Variants in TTC39C observed in about 807,000 individuals in gnomAD.
TTC39C encodes tetratricopeptide repeat protein 39C.
TTC39C carries 33 observed loss-of-function variants against 76.3 expected under a neutral mutation model. The observed-to-expected ratio is 0.43, with a 90% CI of 0.33 to 0.58. The LOEUF is 0.58. Ranked by LOEUF, TTC39C falls within the 20% of genes least tolerant of loss-of-function variation. The pLI is 0.04. For missense variants in TTC39C, 595 were observed against 701.4 expected (o/e 0.85, Z 1.71); for synonymous variants, 254 against 260.6 (o/e 0.97, Z 0.24).
chr18:24,045,285 C>T (rs368576939), intron 1 of TTC39C, among the ~76,000 whole-genome samples: 2 of 28,870 alleles, frequency 6.9e-5, no homozygotes, highest in South Asian at 9.9e-4. Flanking sequence ...AAAAAAAAAG[C>T]ATGTAGCGTG....
At chr18:24,032,377 T>C (rs945355828) in intron 1 of TTC39C, among the ~76,000 whole-genome samples, 2 of 152,208 alleles carry the variant, frequency 1.3e-5, no homozygotes, top group Non-Finnish European at 2.9e-5. Context: ...CCCTTGACCG[T>C]CACTGCCTTA....
intron 6 of TTC39C, chr18:24,113,707 G>A (rs894931): frequency 1 from 699,895 of 702,272 alleles, 348,801 homozygotes; most frequent in East Asian, 1. Flanking sequence ...AGATTAAACT[G>A]ATGCTTTGAA....
chr18:24,099,114 G>A (rs1318730066), intron 6 of TTC39C: 1 of 44,354 alleles, frequency 2.3e-5, no homozygotes, highest in East Asian at 1.1e-3. Context: ...TATATAAAAC[G>A]TGTGTGTGTG....
Position 24,133,236 on chromosome 18 carries a change from C to G in TTC39C, c.*662C>G, listed in dbSNP as rs1249846371. On this transcript the variant is annotated 3_prime_UTR_variant, in exon 14 of 14. Coordinates refer to ENST00000317571, the MANE Select transcript of TTC39C (RefSeq NM_001135993.2). ...TAATTCATGTTAATAGGCCAGAATTCCATGTTTTACTTATTAAAAGAACAA... is the reference window on the plus strand; with the variant it reads ...TAATTCATGTTAATAGGCCAGAATTGCATGTTTTACTTATTAAAAGAACAA... 1 of 152,140 alleles carries G rather than the reference C, an allele frequency of 6.6e-6. No homozygotes were observed. 9.4% of individuals were successfully genotyped at this position (152,140 alleles called of 1,614,324 possible).
At chr18:23,999,586 A>G (rs1323823329) in intron 1 of TTC39C, among the ~76,000 whole-genome samples, 1 of 140,730 alleles carries the variant, frequency 7.1e-6, no homozygotes, top group Non-Finnish European at 1.6e-5. Flanking sequence ...TGAGTCTGCA[A>G]GTGCTGGGAA....
chr18:24,113,543 C>T, intron 6 of TTC39C: 1 of 701,266 alleles, frequency 1.4e-6, no homozygotes, highest in South Asian at 1.5e-5. Flanking sequence ...GAGGGAAGTC[C>T]ACCTCCCTGC....
chr18:24,124,113 A>G, intron 9 of TTC39C, 170 bp downstream of exon 9: 2 of 478,116 alleles, frequency 4.2e-6, no homozygotes, highest in Non-Finnish European at 7.3e-6. Context: ...ATCTGCTCTG[A>G]ATAGAAGATT....
upstream of TTC39C, among the ~76,000 whole-genome samples, chr18:24,013,820 A>G (rs1020708319): frequency 6.6e-6 from 1 of 152,264 alleles, no homozygotes; most frequent in African/African-American, 2.4e-5. Flanking sequence ...CATCATCAGA[A>G]CAGTGAGACT....
intron 6 of TTC39C, among the ~76,000 whole-genome samples, chr18:24,111,518 A>G (rs7504417): frequency 0.87 from 131,702 of 150,950 alleles, 57,628 homozygotes; most frequent in East Asian, 1. Context: ...GCATTGAGCC[A>G]AGATCACGCC....
chr18:24,085,256 T>G (rs2084425663), intron 6 of TTC39C, among the ~76,000 whole-genome samples: 1 of 152,232 alleles, frequency 6.6e-6, no homozygotes, highest in South Asian at 2.1e-4. Context: ...AGCAGGGCAG[T>G]GAGGCCCCTT....
At chr18:24,026,053 A>G (rs2083596449) in intron 1 of TTC39C, among the ~76,000 whole-genome samples, 1 of 152,150 alleles carries the variant, frequency 6.6e-6, no homozygotes, top group Non-Finnish European at 1.5e-5. Flanking sequence ...TAGAGCCCAA[A>G]CAGCTCCAGA....
chr18:24,082,832 G>A (rs1398223143), intron 5 of TTC39C, 81 bp from the exon 6 acceptor site: 13 of 1,406,844 alleles, frequency 9.2e-6, no homozygotes, highest in Non-Finnish European at 1.2e-5. Flanking sequence ...AGTATTGGAA[G>A]AACACATACT....
intron 1 of TTC39C, among the ~76,000 whole-genome samples, chr18:24,055,198 G>A (rs1396032942): frequency 1.3e-5 from 2 of 152,164 alleles, no homozygotes; most frequent in Admixed American, 1.3e-4. Flanking sequence ...ATGCTGGTAT[G>A]AACGTGGGTG....
At chr18:24,023,637 G>T (rs889762057) in intron 1 of TTC39C, among the ~76,000 whole-genome samples, 1 of 151,852 alleles carries the variant, frequency 6.6e-6, no homozygotes, top group Non-Finnish European at 1.5e-5. Flanking sequence ...CTATGATAAT[G>T]CTCTGATGTG....
intron 5 of TTC39C, among the ~76,000 whole-genome samples, chr18:24,082,569 T>C (rs766820780): frequency 2.6e-5 from 4 of 152,176 alleles, no homozygotes; most frequent in Non-Finnish European, 5.9e-5. Flanking sequence ...TAGTTACCAT[T>C]TCTAATTGGT....
At chr18:24,076,166 G>A (rs1315550935) in intron 4 of TTC39C, among the ~76,000 whole-genome samples, 1 of 152,086 alleles carries the variant, frequency 6.6e-6, no homozygotes, top group Non-Finnish European at 1.5e-5. Context: ...TTTTAGTAGA[G>A]ACAGGGTTTC....
intron 6 of TTC39C, among the ~76,000 whole-genome samples, chr18:24,087,913 A>C (rs2145771051): frequency 6.6e-6 from 1 of 152,318 alleles, no homozygotes; most frequent in African/African-American, 2.4e-5. Context: ...TGGAAATCGA[A>C]ATCTGGGCCT....
At chr18:24,083,433 A>G (rs1317888292) in intron 6 of TTC39C, among the ~76,000 whole-genome samples, 4 of 152,216 alleles carry the variant, frequency 2.6e-5, no homozygotes, top group Non-Finnish European at 5.9e-5. Flanking sequence ...ATCTCTTTCT[A>G]AACTTTGATC....
chr18:24,128,762 C>A, intron 10 of TTC39C, 124 bp from the exon 11 acceptor site: 1 of 670,038 alleles, frequency 1.5e-6, no homozygotes, highest in South Asian at 2.0e-5. Context: ...TTATTAAGAG[C>A]AGTTTTAGGT....
Sources: gnomAD v4.1 joint callset for allele counts (sites outside exome capture counted in the v4.1 genomes callset) on GRCh38, gnomAD v4.1.1 for gene constraint, MANE v1.5 for transcripts, NCBI Gene and HGNC (gene_info 2026-07-23, HGNC 2026-07-21) for gene names.